The following NTM variants were observed in gnomAD, a reference collection of about 807,000 sequenced individuals.
NTM encodes the protein IgLON family member 2.
Under a neutral mutation model 42.1 loss-of-function variants are expected in NTM, and 13 were observed. That is an observed-to-expected ratio of 0.31 (90% CI 0.20 to 0.49). The LOEUF is 0.49. Ranked by LOEUF, NTM falls within the 20% of genes least tolerant of loss-of-function variation. The probability of loss-of-function intolerance (pLI) is 0.99; values close to 1 mark genes in which losing one functional copy is unlikely to be tolerated. For missense variants in NTM, 373 were observed against 452.8 expected, an observed-to-expected ratio of 0.82 and a Z score of 1.60; for synonymous variants, 187 against 179.2, an observed-to-expected ratio of 1.04 and a Z score of -0.35.
intron 1 of NTM, among the ~76,000 whole-genome samples, chr11:131,553,530 G>A (rs928630783): frequency 6.6e-6 from 1 of 152,162 alleles, no homozygotes; most frequent in Non-Finnish European, 1.5e-5. Flanking sequence ...GTCTCTTCCT[G>A]CTCCCAGGTG....
chr11:131,500,558 T>TATATATATATATATATATAC (rs2046626818), intron 1 of NTM, among the ~76,000 whole-genome samples: 2 of 84,654 alleles, frequency 2.4e-5, no homozygotes, highest in Non-Finnish European at 4.4e-5. Flanking sequence ...TATATATATA[T>TATATATATATATATATATAC]ATATATATAT....
chr11:132,079,940 T>C (rs1264772201), intron 2 of NTM, among the ~76,000 whole-genome samples: 4 of 152,202 alleles, frequency 2.6e-5, no homozygotes, highest in African/African-American at 9.7e-5. Context: ...AATTCTGTAG[T>C]TGATTTTTTA....
At chr11:132,324,650 T>G (rs1165416338) in intron 7 of NTM, among the ~76,000 whole-genome samples, 1 of 57,268 alleles carries the variant, frequency 1.7e-5, no homozygotes, top group East Asian at 4.4e-4. Flanking sequence ...AATGACTTTC[T>G]TCACAGAATT....
chr11:132,283,748 G>T (rs1440904728), intron 4 of NTM, among the ~76,000 whole-genome samples: 1 of 152,136 alleles, frequency 6.6e-6, no homozygotes, highest in Non-Finnish European at 1.5e-5. Flanking sequence ...TAGCGAAGAG[G>T]GATAGGAGGG....
At chr11:132,174,664 C>T (rs957416592) in intron 3 of NTM, among the ~76,000 whole-genome samples, 10 of 152,036 alleles carry the variant, frequency 6.6e-5, no homozygotes, top group Non-Finnish European at 1.5e-4. Context: ...GCATTTTCTT[C>T]CTTTCCTTTC....
intron 4 of NTM, among the ~76,000 whole-genome samples, chr11:132,303,140 A>G (rs1419210716): frequency 6.6e-6 from 1 of 152,254 alleles, no homozygotes; most frequent in Non-Finnish European, 1.5e-5. Flanking sequence ...AATAGTGCAG[A>G]ACAGCCAGAG....
chr11:132,236,995 G>A (rs1304085752), intron 4 of NTM, among the ~76,000 whole-genome samples: 2 of 148,712 alleles, frequency 1.3e-5, no homozygotes, highest in Admixed American at 1.3e-4. Flanking sequence ...AAGTGCAGCA[G>A]CCCTAGAGAG....
intron 3 of NTM, among the ~76,000 whole-genome samples, chr11:132,172,943 C>T (rs925572563): frequency 6.6e-6 from 1 of 152,190 alleles, no homozygotes; most frequent in Non-Finnish European, 1.5e-5. Context: ...GGAAACCAGG[C>T]AGGATCAATT....
chr11:131,855,040 G>GA (rs2136884877), intron 1 of NTM, among the ~76,000 whole-genome samples: 1 of 152,284 alleles, frequency 6.6e-6, no homozygotes, highest in Non-Finnish European at 1.5e-5. Flanking sequence ...GAACATCTGG[G>GA]CCCTGTGTCT....
intron 1 of NTM, among the ~76,000 whole-genome samples, chr11:131,695,380 G>A (rs1338425470): frequency 6.6e-6 from 1 of 152,126 alleles, no homozygotes; most frequent in African/African-American, 2.4e-5. Context: ...CTGAACGAAT[G>A]ACTTTACGCA....
rs555014886 is a variant in NTM at position 132,252,419 on chromosome 11, T to C, written c.526+40272T>C. 5.3e-5 allele frequency among the ~76,000 whole-genome samples: 8 copies of C among 152,242 alleles called. No homozygotes were observed. In the South Asian group the frequency reaches 1.7e-3, roughly 32 times the overall value. ...TATCCCATACTGTTCAGCCACCCAT[T>C]TTCTTGAGAGCAGAGAGTCCCCAAA... On this transcript the variant is annotated intron_variant, in intron 4 of 8. Transcript: ENST00000683400.
At chr11:132,328,485 T>TGGG (rs56754322) in intron 7 of NTM, among the ~76,000 whole-genome samples, 1 of 152,008 alleles carries the variant, frequency 6.6e-6, no homozygotes, top group African/African-American at 2.4e-5. Flanking sequence ...GAGGTTTTTT[T>TGGG]GGGGGGGTCT....
At chr11:131,607,720 T>TA (rs1206767716) in intron 1 of NTM, among the ~76,000 whole-genome samples, 1 of 152,190 alleles carries the variant, frequency 6.6e-6, no homozygotes. Flanking sequence ...TAGCATTTAT[T>TA]AAAAGAGAAT....
At chr11:131,669,956 C>G (rs2134616800) in intron 1 of NTM, among the ~76,000 whole-genome samples, 1 of 152,318 alleles carries the variant, frequency 6.6e-6, no homozygotes, top group African/African-American at 2.4e-5. Flanking sequence ...GATGCTGGCA[C>G]TCTCCGGAGC....
chr11:132,282,976 C>CTTTTTTTTTTTTTCTTTTTTTTT (rs2094044159), intron 4 of NTM, among the ~76,000 whole-genome samples: 1 of 109,012 alleles, frequency 9.2e-6, no homozygotes, highest in Non-Finnish European at 1.8e-5. Flanking sequence ...TCCTTTATTC[C>CTTTTTTTTTTTTTCTTTTTTTTT]TTTTTTTTTT....
chr11:132,033,688 T>A (rs1057058623), intron 2 of NTM, among the ~76,000 whole-genome samples: 1 of 152,172 alleles, frequency 6.6e-6, no homozygotes. Context: ...CCAACACAAT[T>A]CTTAAATGAA....
intron 1 of NTM, among the ~76,000 whole-genome samples, chr11:131,833,325 T>C (rs923921352): frequency 6.6e-6 from 1 of 152,212 alleles, no homozygotes; most frequent in African/African-American, 2.4e-5. Flanking sequence ...ATCTAACAAT[T>C]GGCAGACACT....
At chr11:131,592,092 G>A (rs182373171) in intron 1 of NTM, among the ~76,000 whole-genome samples, 114 of 152,282 alleles carry the variant, frequency 7.5e-4, no homozygotes, top group Non-Finnish European at 1.2e-3. Flanking sequence ...ATGAGGGGTA[G>A]GAAACTATTT....
intron 1 of NTM, among the ~76,000 whole-genome samples, chr11:131,399,369 G>A (rs989350494): frequency 1.3e-5 from 2 of 152,052 alleles, no homozygotes; most frequent in Non-Finnish European, 1.5e-5. Context: ...CAGACTTCAG[G>A]GCTCTACAAC....
Sources: allele counts gnomAD v4.1 joint callset (sites outside exome capture counted in the v4.1 genomes callset), GRCh38; gene constraint gnomAD v4.1.1; transcripts MANE v1.5; gene names NCBI Gene and HGNC (gene_info 2026-07-23, HGNC 2026-07-21).